Variants in CAST observed in about 807,000 individuals in gnomAD.
CAST encodes the protein calpastatin, also known as MIR583 host.
In CAST, 76 loss-of-function variants were observed where a neutral mutation model predicts 119.6. That is an observed-to-expected ratio of 0.64 (90% confidence interval 0.53 to 0.77). CAST has a LOEUF of 0.77. CAST is among the 30% of genes least tolerant of loss of function. The probability of loss-of-function intolerance (pLI) is 0.00; values close to 1 mark genes in which losing one functional copy is unlikely to be tolerated. For missense variants in CAST, 953 were observed against 946.5 expected, an observed-to-expected ratio of 1.01 and a Z score of -0.09; for synonymous variants, 319 against 331.6, an observed-to-expected ratio of 0.96 and a Z score of 0.41.
At chr5:96,492,210 C>T in the CAST span, among the ~76,000 whole-genome samples, 1 of 152,366 alleles carries the variant, frequency 6.6e-6, no homozygotes, top group South Asian at 2.1e-4. Flanking sequence ...CTGCCACTTA[C>T]CCTCGTTTGA....
At chr5:96,155,969 T>G in the CAST span, among the ~76,000 whole-genome samples, 1 of 152,228 alleles carries the variant, frequency 6.6e-6, no homozygotes, top group African/African-American at 2.4e-5. Context: ...GGAGGGGCCC[T>G]GCAATAGCAG....
At chr5:96,130,158 G>C in the CAST span, among the ~76,000 whole-genome samples, 1 of 151,180 alleles carries the variant, frequency 6.6e-6, no homozygotes, top group African/African-American at 2.4e-5. Flanking sequence ...CCTCAGCCAA[G>C]TGATTAAGAT....
the CAST span, among the ~76,000 whole-genome samples, chr5:96,113,818 A>G: frequency 6.6e-6 from 1 of 152,246 alleles, no homozygotes; most frequent in South Asian, 2.1e-4. Context: ...TCCTTAGTCA[A>G]TCCTTGATGA....
At chr5:96,446,575 A>G in the CAST span, among the ~76,000 whole-genome samples, 6 of 152,230 alleles carry the variant, frequency 3.9e-5, no homozygotes, top group Non-Finnish European at 8.8e-5. Flanking sequence ...ACAAAAGGAA[A>G]ATAAGCAGTC....
chr5:96,619,226 A>G (rs1192987479), intron 1 of CAST, among the ~76,000 whole-genome samples: 1 of 151,798 alleles, frequency 6.6e-6, no homozygotes, highest in Non-Finnish European at 1.5e-5. Flanking sequence ...AAACGCACCA[A>G]TCAGTGCTCT....
At chr5:96,405,158 A>G in the CAST span, among the ~76,000 whole-genome samples, 1 of 152,346 alleles carries the variant, frequency 6.6e-6, no homozygotes, top group Non-Finnish European at 1.5e-5. Flanking sequence ...GTACCTTGGC[A>G]GTAAGGATAT....
At chr5:96,232,906 A>G in the CAST span, among the ~76,000 whole-genome samples, 1 of 152,108 alleles carries the variant, frequency 6.6e-6, no homozygotes, top group African/African-American at 2.4e-5. Context: ...AAAATGCACA[A>G]AGTGTATAGC....
At chr5:96,355,995 C>T in the CAST span, among the ~76,000 whole-genome samples, 247 of 152,162 alleles carry the variant, frequency 1.6e-3, 1 homozygote, top group Non-Finnish European at 2.8e-3. Flanking sequence ...CCACTGCACC[C>T]GGCCTGTTTC....
chr5:96,486,091 A>C, the CAST span, among the ~76,000 whole-genome samples: 1 of 152,216 alleles, frequency 6.6e-6, no homozygotes, highest in African/African-American at 2.4e-5. Flanking sequence ...AATACAGAGT[A>C]GATCAGGACA....
chr5:96,252,551 C>T, the CAST span, among the ~76,000 whole-genome samples: 9 of 152,150 alleles, frequency 5.9e-5, no homozygotes, highest in South Asian at 1.5e-3. Context: ...TATTAACAGT[C>T]CTATTTTAAA....
At chr5:96,568,792 C>T (rs1746522325) in intron 1 of CAST, among the ~76,000 whole-genome samples, 1 of 151,722 alleles carries the variant, frequency 6.6e-6, no homozygotes, top group South Asian at 2.1e-4. Context: ...CTAAAAGGAC[C>T]AGCTCTCCAC....
the CAST span, among the ~76,000 whole-genome samples, chr5:96,020,485 A>G: frequency 6.6e-6 from 1 of 152,204 alleles, no homozygotes; most frequent in African/African-American, 2.4e-5. Flanking sequence ...ATCTGTACTT[A>G]TAGCTGCTCC....
chr5:96,457,038 T>C, the CAST span, among the ~76,000 whole-genome samples: 1,336 of 152,310 alleles, frequency 8.8e-3, 22 homozygotes, highest in African/African-American at 0.031. Context: ...CTTTCCTTTA[T>C]AAATTACCCA....
chr5:96,251,112 A>C, the CAST span, among the ~76,000 whole-genome samples: 1 of 152,182 alleles, frequency 6.6e-6, no homozygotes, highest in African/African-American at 2.4e-5. Context: ...AATATTTACC[A>C]AGGGTCCTTA....
the CAST span, among the ~76,000 whole-genome samples, chr5:96,136,761 A>C: frequency 1.3e-5 from 2 of 152,206 alleles, no homozygotes; most frequent in South Asian, 2.1e-4. Context: ...CAATGAGAAA[A>C]ACTGGCTTTC....
chr5:96,323,448 T>A, the CAST span, among the ~76,000 whole-genome samples: 1 of 152,224 alleles, frequency 6.6e-6, no homozygotes, highest in Admixed American at 6.5e-5. Context: ...CTAGACCTCC[T>A]GTAACCATAA....
intron 24 of CAST, 31 bp from the exon 25 acceptor site, chr5:96,762,243 A>C (rs1448996908): frequency 5.6e-6 from 8 of 1,425,702 alleles, no homozygotes; most frequent in Non-Finnish European, 7.8e-6. Flanking sequence ...TATATACAAC[A>C]TGTTACTAAT....
At chr5:96,190,412 C>T in the CAST span, among the ~76,000 whole-genome samples, 3 of 152,064 alleles carry the variant, frequency 2.0e-5, no homozygotes, top group Non-Finnish European at 4.4e-5. Context: ...CTCCCTGACT[C>T]TGCCTGCCCA....
chr5:96,142,701 T>G, the CAST span, among the ~76,000 whole-genome samples: 1 of 152,192 alleles, frequency 6.6e-6, no homozygotes, highest in Non-Finnish European at 1.5e-5. Flanking sequence ...AGAAGAGGTA[T>G]GGTGGAGGTG....
Sources: gnomAD v4.1 joint callset for allele counts (sites outside exome capture counted in the v4.1 genomes callset) on GRCh38, gnomAD v4.1.1 for gene constraint, MANE v1.5 for transcripts, NCBI Gene and HGNC (gene_info 2026-07-23, HGNC 2026-07-21) for gene names.